Variants in TTC23 observed in about 807,000 individuals in gnomAD.
TTC23 encodes the protein tetratricopeptide repeat domain 23.
TTC23 carries 58 observed loss-of-function variants against 55.1 expected under a neutral mutation model. The observed-to-expected ratio is 1.05, with a 90% CI of 0.85 to 1.31. The LOEUF (loss-of-function observed/expected upper bound fraction) is 1.31. Among genes scored for constraint, TTC23 ranks in the 50% most tolerant of loss-of-function variants. The pLI, the probability that TTC23 is intolerant of heterozygous loss-of-function variation, is 0.00. For synonymous variants in TTC23, 203 were observed against 199.9 expected, an observed-to-expected ratio of 1.02 and a Z score of -0.13; for missense variants, 516 against 534.4, an observed-to-expected ratio of 0.97 and a Z score of 0.34.
At chr15:99,227,837 G>A (rs1567539925) in intron 5 of TTC23, among the ~76,000 whole-genome samples, 1 of 152,210 alleles carries the variant, frequency 6.6e-6, no homozygotes, top group African/African-American at 2.4e-5. Flanking sequence ...TACCAGTGCA[G>A]TCTACGTAAC....
At chr15:99,167,697 G>A (rs1465838482) in intron 10 of TTC23, among the ~76,000 whole-genome samples, 2 of 152,218 alleles carry the variant, frequency 1.3e-5, no homozygotes, top group East Asian at 1.9e-4. Flanking sequence ...CCACTGGAGG[G>A]GAGGTCAGGA....
At chr15:99,231,583 C>A (rs1298375616) in intron 4 of TTC23, among the ~76,000 whole-genome samples, 1 of 152,168 alleles carries the variant, frequency 6.6e-6, no homozygotes, top group African/African-American at 2.4e-5. Flanking sequence ...AGCTCCGCCT[C>A]CCGGGTTCAC....
chr15:99,200,083 G>A lies in TTC23; in HGVS notation c.595C>T (p.Gln199Ter), dbSNP rs763986143. 7.5e-6 allele frequency: 12 copies of A among 1,605,364 alleles called. No individual in the cohort carries two copies. Among genetic ancestry groups the A allele is most frequent in the East Asian group, 2.2e-5 (1 of 44,574 alleles). ...GACAAAGCTTCTTTTGACTTCTTCT[G>A]ACCTTGATACACCCTAAAAAAATCA... Reference protein sequence around the residue: ...RLSFAQVYQGQKKSKEALSHY... With the variant: ...RLSFAQVYQG Residue 199 changes from glutamine (Q) to a stop codon, truncating the protein, a stop_gained, in exon 9 of 14, where the codon CAG becomes TAG. Coordinates refer to ENST00000394132, the MANE Select transcript of TTC23 (RefSeq NM_001288615.3). LOFTEE classifies it high-confidence loss of function.
At chr15:99,210,322 C>T (rs2152023110) in intron 8 of TTC23, among the ~76,000 whole-genome samples, 1 of 152,052 alleles carries the variant, frequency 6.6e-6, no homozygotes, top group South Asian at 2.1e-4. Context: ...GTAACCTGTG[C>T]CATGTGGTTT....
At chr15:99,231,773 T>C (rs1005124135) in intron 4 of TTC23, among the ~76,000 whole-genome samples, 1 of 152,042 alleles carries the variant, frequency 6.6e-6, no homozygotes, top group African/African-American at 2.4e-5. Flanking sequence ...ATTACGGGCA[T>C]TAGCCACTGC....
At chr15:99,165,264 C>G (rs1398334464) in intron 10 of TTC23, among the ~76,000 whole-genome samples, 1 of 152,168 alleles carries the variant, frequency 6.6e-6, no homozygotes, top group Non-Finnish European at 1.5e-5. Flanking sequence ...TCAAAAGACA[C>G]AGAAGTCTAG....
At chr15:99,207,819 A>G (rs1295510669) in intron 8 of TTC23, among the ~76,000 whole-genome samples, 1 of 152,202 alleles carries the variant, frequency 6.6e-6, no homozygotes, top group African/African-American at 2.4e-5. Context: ...ATTGAGAACT[A>G]TAAGAAGCCT....
intron 10 of TTC23, among the ~76,000 whole-genome samples, chr15:99,169,796 T>G (rs2072666649): frequency 6.6e-6 from 1 of 152,182 alleles, no homozygotes; most frequent in Admixed American, 6.5e-5. Flanking sequence ...TACATATTCG[T>G]GCATAGGAAA....
In TTC23 at chr15:99,175,151, T is replaced by C. The variant is rs763239028; in HGVS notation, c.764A>G (p.His255Arg). ...DVSINHFLQA[H>R]LIILSRSPSQ... ...GGGGCTTCTACTCAGGATGATAAGA[T>C]GTGCCTGTCACCACAGAAAGAAGAA... The change falls in exon 10 of 14, where the codon CAT becomes CGT. Residue 255 changes from histidine to arginine, a missense_variant. By Grantham distance (29) the His-to-Arg change is conservative (BLOSUM62 0). Transcript: ENST00000394132. The C allele has an allele frequency of 3.1e-6, 5 of 1,613,330 alleles. No homozygotes were observed. The highest frequency in any genetic ancestry group is 1.7e-5 in the Admixed American group (1 of 59,996).
At position 99,138,046 on chromosome 15, in the gene TTC23, C is replaced by A. The variant is rs2067731556; in HGVS notation, c.1308G>T (p.Leu436=). Residue 436 remains leucine (L), a synonymous_variant, in exon 14 of 14, where the codon CTG becomes CTT. Coordinates refer to ENST00000394132, the MANE Select transcript of TTC23 (RefSeq NM_001288615.3). The part of the protein sequence containing the change: ...AFCTSIPQDT[L]LGKARPGTTA... ...TTGTGCCGGGCCGGGCCTTCCCCAG[C>A]AGGGTGTCCTGAGGGATGCTGGTGC... 6.2e-7 allele frequency: 1 copy of A among 1,614,104 alleles called. No homozygotes were observed. The highest frequency in any genetic ancestry group is 2.2e-5 in the East Asian group (1 of 44,872).
In TTC23 at chr15:99,218,562, T is replaced by C. The variant is rs749016073; in HGVS notation, c.581+26A>G. 4 of 1,613,964 alleles carry C rather than the reference T, an allele frequency of 2.5e-6. No homozygotes were observed. In the Admixed American group the frequency reaches 5.0e-5, roughly 20 times the overall value. On this transcript the variant is annotated intron_variant, in intron 8 of 13. Coordinates refer to ENST00000394132, the MANE Select transcript of TTC23 (RefSeq NM_001288615.3). Reference sequence around the variant, plus strand: ...GCAAAGAGCCTCCCGCCATCATGTATGCAAAATCCTAAACTTGAAACTTAC... The same window carrying C: ...GCAAAGAGCCTCCCGCCATCATGTACGCAAAATCCTAAACTTGAAACTTAC...
chr15:99,206,626 A>G (rs1295114974), intron 8 of TTC23, among the ~76,000 whole-genome samples: 1 of 151,966 alleles, frequency 6.6e-6, no homozygotes, highest in Non-Finnish European at 1.5e-5. Flanking sequence ...GTCTCTAATG[A>G]TCCTTTGAAT....
chr15:99,217,736 A>G (rs2077586234), intron 8 of TTC23, among the ~76,000 whole-genome samples: 1 of 152,258 alleles, frequency 6.6e-6, no homozygotes. Flanking sequence ...CTTTAACTGC[A>G]TGAGTCAAAG....
chr15:99,181,827 G>A (rs2074146300), intron 9 of TTC23, among the ~76,000 whole-genome samples: 1 of 152,174 alleles, frequency 6.6e-6, no homozygotes, highest in African/African-American at 2.4e-5. Context: ...TGGGAGCAGA[G>A]AGCATTGGAA....
chr15:99,158,769 C>T (rs930832767), intron 11 of TTC23: 1 of 152,296 alleles, frequency 6.6e-6, no homozygotes, highest in African/African-American at 2.4e-5. Flanking sequence ...GTGGGAACAC[C>T]TGGGATGGCC....
Position 99,138,113 on chromosome 15 carries a change from G to A in TTC23, c.1241C>T (p.Ala414Val), listed in dbSNP as rs2067740806. ...MGMLSTAPKV[A>V]SKPRQASKAK... ...TTTTGATGCCTGCCTTGGCTTCGAA[G>A]CAACCTTGGGGGCCCTGCAGACAAG... is the stretch of plus-strand genomic sequence containing the variant. The change falls in exon 14 of 14, where the codon GCT (alanine) becomes GTT (valine). Residue 414 changes from alanine (A) to valine (V), a missense_variant. Physicochemically the swap from Ala to Val is moderately conservative, Grantham distance 64. Transcript: ENST00000394132. The A allele has an allele frequency of 6.2e-7, 1 of 1,612,710 alleles. No individual in the cohort carries two copies. Among genetic ancestry groups the A allele is most frequent in the African/African-American group, 1.3e-5 (1 of 74,872 alleles).
At chr15:99,245,273 A>C (rs188844260) in intron 2 of TTC23, 116 bp downstream of exon 2, 1 of 152,422 alleles carries the variant, frequency 6.6e-6, no homozygotes, top group Non-Finnish European at 1.5e-5. Flanking sequence ...GCACTTTGGG[A>C]GGCCGAGGTG....
chr15:99,236,171 G>A (rs2079302237), intron 3 of TTC23, among the ~76,000 whole-genome samples: 2 of 152,162 alleles, frequency 1.3e-5, no homozygotes, highest in Non-Finnish European at 2.9e-5. Flanking sequence ...GAAACTGCTG[G>A]ATCATATGAT....
chr15:99,238,980 G>C (rs1046299860), intron 3 of TTC23, among the ~76,000 whole-genome samples: 2 of 152,142 alleles, frequency 1.3e-5, no homozygotes, highest in Admixed American at 6.5e-5. Flanking sequence ...CCCTGAGCTA[G>C]GGGGAAAGTA....
Sources: allele counts gnomAD v4.1 joint callset (sites outside exome capture counted in the v4.1 genomes callset), GRCh38; gene constraint gnomAD v4.1.1; transcripts MANE v1.5; gene names NCBI Gene and HGNC (gene_info 2026-07-23, HGNC 2026-07-21).